RGS3: variants seen among roughly 807,000 people sequenced by gnomAD.
RGS3 encodes the protein regulator of G protein signaling 3.
A neutral mutation model predicts 132.6 loss-of-function variants in RGS3; 80 were observed. That is an observed-to-expected ratio of 0.60 (90% CI 0.50 to 0.73). The LOEUF (loss-of-function observed/expected upper bound fraction) is 0.73. Among genes scored for constraint, RGS3 ranks in the 30% least tolerant of loss-of-function variants. The pLI, the probability that RGS3 is intolerant of heterozygous loss-of-function variation, is 0.00. For missense variants in RGS3, 1,382 were observed against 1,530.8 expected, an observed-to-expected ratio of 0.90 and a Z score of 1.62; for synonymous variants, 598 against 620.6, an observed-to-expected ratio of 0.96 and a Z score of 0.54.
At chr9:113,467,901 A>C (rs968242390) in intron 3 of RGS3, among the ~76,000 whole-genome samples, 1 of 152,106 alleles carries the variant, frequency 6.6e-6, no homozygotes, top group Non-Finnish European at 1.5e-5. Context: ...TGTAAAAAAA[A>C]CTTTTTGTAG....
intron 7 of RGS3, among the ~76,000 whole-genome samples, chr9:113,490,525 G>T (rs1159160613): frequency 6.6e-6 from 1 of 151,458 alleles, no homozygotes; most frequent in Non-Finnish European, 1.5e-5. Flanking sequence ...ACAAATTGAA[G>T]CTTCCAGTAT....
In RGS3 at chr9:113,508,526, G is replaced by C; in HGVS notation, c.1438-15G>C. ...TTCCTGGGGCTGAGGTGGTTTTCCTGTCTTTCCCTTGCAGCTGCTCCGGCC... is the reference window on the plus strand; with the variant it reads ...TTCCTGGGGCTGAGGTGGTTTTCCTCTCTTTCCCTTGCAGCTGCTCCGGCC... On this transcript the variant is annotated splice_polypyrimidine_tract_variant and intron_variant, in intron 13 of 24. Transcript: ENST00000350696. 1.2e-6 allele frequency: 2 copies of C among 1,612,576 alleles called. No individual in the cohort carries two copies. The highest frequency in any genetic ancestry group is 1.3e-5 in the African/African-American group (1 of 75,028).
At chr9:113,490,666 A>T (rs1242350166) in intron 7 of RGS3, among the ~76,000 whole-genome samples, 5 of 145,186 alleles carry the variant, frequency 3.4e-5, no homozygotes, top group Non-Finnish European at 7.5e-5. Flanking sequence ...ATTATTATAA[A>T]TTATATAATA....
intron 7 of RGS3, among the ~76,000 whole-genome samples, chr9:113,487,831 C>T (rs965014839): frequency 1.3e-5 from 2 of 152,168 alleles, no homozygotes; most frequent in Admixed American, 6.5e-5. Context: ...GTTCTCGATC[C>T]TGGATATACA....
At chr9:113,472,809 C>T (rs1011499243) in intron 3 of RGS3, among the ~76,000 whole-genome samples, 1 of 152,080 alleles carries the variant, frequency 6.6e-6, no homozygotes, top group Non-Finnish European at 1.5e-5. Context: ...GAGGCTGAGG[C>T]GGGTGGATCA....
Position 113,507,499 on chromosome 9 carries a change from G to GGCT in RGS3, c.1305_1307dup (p.Leu436dup). Reference sequence around the variant, plus strand: ...CACCTGGTATGTGACAGCTCTGATGGGCTGCTGCTCGGCGGCTGGGAGCGC... The same window carrying GGCT: ...CACCTGGTATGTGACAGCTCTGATGGGCTGCTGCTGCTCGGCGGCTGGGAGCGC... On this transcript the variant is annotated inframe_insertion, in exon 13 of 25. Coordinates refer to ENST00000350696, the Ensembl canonical transcript of RGS3. This position sits in a 1 kb window ranked among gnomAD's most constrained non-coding sequence, Gnocchi z 5.0. The GGCT allele has an allele frequency of 6.2e-7, 1 of 1,611,684 alleles. No homozygotes were observed. Among genetic ancestry groups the GGCT allele is most frequent in the Non-Finnish European group, 8.5e-7 (1 of 1,178,986 alleles).
At chr9:113,578,003 T>C (rs1361264066) in intron 19 of RGS3, among the ~76,000 whole-genome samples, 2 of 152,274 alleles carry the variant, frequency 1.3e-5, no homozygotes, top group Admixed American at 1.3e-4. Context: ...CATGAGGATT[T>C]GTTGAATACT....
Position 113,537,133 on chromosome 9 carries a change from C to T in RGS3, c.2037+215C>T, listed in dbSNP as rs975153429. ...TGGGTCTGACAGTGCTCGTGTAGAG[C>T]GACAGAGCCAAATTAAGCGTGGCCC... On this transcript the variant is annotated intron_variant, in intron 19 of 24. Coordinates refer to ENST00000350696, the Ensembl canonical transcript of RGS3. The surrounding 1 kb of genome is among the most constrained non-coding windows in gnomAD (Gnocchi z 4.3). 6.6e-6 allele frequency among the ~76,000 whole-genome samples: 1 copy of T among 152,322 alleles called. No individual in the cohort carries two copies. Among genetic ancestry groups the T allele is most frequent in the East Asian group, 1.9e-4 (1 of 5,180 alleles).
chr9:113,543,711 A>G (rs1397536480), intron 19 of RGS3, among the ~76,000 whole-genome samples: 1 of 152,232 alleles, frequency 6.6e-6, no homozygotes, highest in African/African-American at 2.4e-5. Flanking sequence ...ACAGGTGCAG[A>G]GGACAGGAGC....
chr9:113,540,124 GC>G (rs1024747364), intron 19 of RGS3, among the ~76,000 whole-genome samples: 14 of 151,852 alleles, frequency 9.2e-5, no homozygotes, highest in Non-Finnish European at 1.9e-4. Context: ...TCAGAGCTCT[GC>G]CCCTCTGTTG....
At position 113,597,248 on chromosome 9, in the gene RGS3, C is replaced by T. The variant is rs1343499858; in HGVS notation, c.*295C>T. The T allele has an allele frequency of 5.6e-5, 17 of 304,012 alleles. No individual in the cohort carries two copies. In the South Asian group the frequency reaches 1.2e-3, roughly 21 times the overall value. The allele number at this position is 304,012 out of a possible 1,614,324, so 18.8% of individuals were successfully genotyped here. ...GAGCTGCTGCTCCCTGCTGCGGAGA[C>T]CGCGGAGGCTTCGCGTTGACCAAGT... On this transcript the variant is annotated 3_prime_UTR_variant, in exon 25 of 25. Transcript: ENST00000350696.
chr9:113,501,303 G>T lies in RGS3; in HGVS notation c.897+3223G>T, dbSNP rs544159005. The stretch of plus-strand genomic sequence containing the variant: ...AGAACAAAGGCGCCCTCTCCCCGCC[G>T]GGCCCGGGGAATACTAACTAGTTGA... On this transcript the variant is annotated intron_variant, in intron 10 of 24. Coordinates refer to ENST00000350696, the Ensembl canonical transcript of RGS3. 23 of 822,046 alleles carry T rather than the reference G, an allele frequency of 2.8e-5. No homozygotes were observed. In the African/African-American group the frequency reaches 3.9e-4, roughly 14 times the overall value. The allele number at this position is 822,046 out of a possible 1,614,324, so 50.9% of individuals were successfully genotyped here.
In RGS3 at chr9:113,507,239, C is replaced by T. The variant is rs1006254524; in HGVS notation, c.1086-48C>T. ...CTGTGGGCCCTCACTCTGGCTGATA[C>T]TGGCTTTCCCCAGGCTCAACCTGTC... On this transcript the variant is annotated intron_variant, in intron 12 of 24. Transcript: ENST00000350696. The surrounding 1 kb of genome is among the most constrained non-coding windows in gnomAD (Gnocchi z 5.0). 1.3e-6 allele frequency: 2 copies of T among 1,498,512 alleles called. No individual in the cohort carries two copies. Among genetic ancestry groups the T allele is most frequent in the Non-Finnish European group, 1.8e-6 (2 of 1,100,932 alleles). The allele number at this position is 1,498,512 out of a possible 1,614,324, so 92.8% of individuals were successfully genotyped here.
chr9:113,561,586 A>ATTTTTTTTTTTTTTTTTTTTTTTTTTTT (rs1181886025), intron 19 of RGS3, among the ~76,000 whole-genome samples: 1 of 133,272 alleles, frequency 7.5e-6, no homozygotes, highest in Non-Finnish European at 1.6e-5. Context: ...CTAATTTTTA[A>ATTTTTTTTTTTTTTTTTTTTTTTTTTTT]TTTTTTTTTT....
At chr9:113,536,550 A>G in intron 18 of RGS3, 1 of 1,287,986 alleles carries the variant, frequency 7.8e-7, no homozygotes, top group Non-Finnish European at 9.9e-7. Context: ...GTTGGGAGCC[A>G]CTGCCTTCCT....
At chr9:113,569,378 C>A (rs565207392) in intron 19 of RGS3, among the ~76,000 whole-genome samples, 1 of 152,022 alleles carries the variant, frequency 6.6e-6, no homozygotes, top group Non-Finnish European at 1.5e-5. Flanking sequence ...GACAGCAGGC[C>A]GAAGGCAGCC....
chr9:113,582,013 C>T (rs1457390464), intron 19 of RGS3: 1 of 985,512 alleles, frequency 1.0e-6, no homozygotes. Context: ...TTTCACACTC[C>T]CAGGCTGTGG....
chr9:113,477,784 G>A (rs1830039002), intron 3 of RGS3, among the ~76,000 whole-genome samples: 1 of 152,206 alleles, frequency 6.6e-6, no homozygotes, highest in East Asian at 1.9e-4. Flanking sequence ...ACCACAGGAA[G>A]CAAGCTCCCC....
intron 16 of RGS3, 60 bp downstream of exon 14, chr9:113,517,684 C>A: frequency 7.6e-7 from 1 of 1,312,236 alleles, no homozygotes; most frequent in Non-Finnish European, 1.1e-6. Context: ...TGGCATTCTC[C>A]AGGCCCCTCA....
Sources: gnomAD v4.1 joint callset for allele counts (sites outside exome capture counted in the v4.1 genomes callset) on GRCh38, gnomAD v4.1.1 for gene constraint, Gnocchi (gnomAD v3.1) non-coding constraint, MANE v1.5 for transcripts, NCBI Gene and HGNC (gene_info 2026-07-23, HGNC 2026-07-21) for gene names.